CBLB: variants seen among roughly 807,000 people sequenced by gnomAD.
The protein encoded by CBLB is E3 ubiquitin-protein ligase CBL-B.
Under a neutral mutation model 104.9 loss-of-function variants are expected in CBLB, and 31 were observed. The observed-to-expected ratio is 0.30, with a 90% CI of 0.22 to 0.40. CBLB has a LOEUF of 0.40. Among genes scored for constraint, CBLB ranks in the 10% least tolerant of loss-of-function variants. The pLI, the probability that CBLB is intolerant of heterozygous loss-of-function variation, is 1.00. For missense variants in CBLB, 1,062 were observed against 1,214.6 expected (o/e 0.87, Z 1.87); for synonymous variants, 440 against 422.6 (o/e 1.04, Z -0.51).
intron 2 of CBLB, among the ~76,000 whole-genome samples, 196 bp downstream of exon 2, chr3:105,867,214 G>C (rs1466133057): frequency 5.3e-5 from 8 of 152,164 alleles, no homozygotes; most frequent in African/African-American, 1.9e-4. Context: ...GAGTAGAAAG[G>C]ATGAAAGGTT....
intron 9 of CBLB, among the ~76,000 whole-genome samples, chr3:105,721,699 T>C (rs1006242602): frequency 2.6e-5 from 4 of 152,154 alleles, no homozygotes; most frequent in Non-Finnish European, 5.9e-5. Context: ...CATTAAATAT[T>C]ATTTGCTCCA....
At chr3:105,692,018 T>C (rs1295943885) in intron 13 of CBLB, among the ~76,000 whole-genome samples, 1 of 152,218 alleles carries the variant, frequency 6.6e-6, no homozygotes, top group Admixed American at 6.5e-5. Flanking sequence ...TGATTTCATA[T>C]ACATTAATGT....
At chr3:105,699,198 G>A (rs1385601264) in intron 12 of CBLB, among the ~76,000 whole-genome samples, 3 of 152,000 alleles carry the variant, frequency 2.0e-5, no homozygotes, top group African/African-American at 4.8e-5. Flanking sequence ...TAGGAACTAC[G>A]TTAAATAAAA....
intron 17 of CBLB, 116 bp downstream of exon 17, chr3:105,678,313 ATT>A (rs2065893174): frequency 4.0e-6 from 4 of 995,868 alleles, no homozygotes; most frequent in Middle Eastern, 3.0e-4. Flanking sequence ...CCACCCAGGG[ATT>A]TTTCTGTTCT....
At chr3:105,803,797 G>T (rs186736508) in intron 3 of CBLB, among the ~76,000 whole-genome samples, 62 of 152,240 alleles carry the variant, frequency 4.1e-4, no homozygotes, top group African/African-American at 1.4e-3. Flanking sequence ...ACTTGAAGGG[G>T]TCACTTATCT....
At chr3:105,799,203 T>C (rs1577299589) in intron 3 of CBLB, among the ~76,000 whole-genome samples, 1 of 143,830 alleles carries the variant, frequency 7.0e-6, no homozygotes, top group African/African-American at 2.5e-5. Flanking sequence ...AAGAAATCCC[T>C]GCAGTTAAGA....
intron 3 of CBLB, among the ~76,000 whole-genome samples, chr3:105,823,215 C>T (rs1200526307): frequency 2.6e-5 from 4 of 152,172 alleles, no homozygotes; most frequent in African/African-American, 9.7e-5. Flanking sequence ...TTGAACTTCA[C>T]TGAAACAGCT....
intron 10 of CBLB, among the ~76,000 whole-genome samples, chr3:105,705,608 G>C (rs973718759): frequency 6.6e-6 from 1 of 152,154 alleles, no homozygotes; most frequent in Non-Finnish European, 1.5e-5. Context: ...GTAGGACCAC[G>C]GAAGTAAAGT....
intron 10 of CBLB, among the ~76,000 whole-genome samples, chr3:105,714,047 T>A (rs2071490893): frequency 1.3e-5 from 2 of 152,222 alleles, no homozygotes; most frequent in African/African-American, 4.8e-5. Flanking sequence ...TATTTTTATT[T>A]TTGTATTTCA....
intron 10 of CBLB, among the ~76,000 whole-genome samples, chr3:105,713,178 G>A (rs1350920322): frequency 6.6e-6 from 1 of 151,936 alleles, no homozygotes. Context: ...CTGTTCTAAT[G>A]GCTTTTTATA....
At chr3:105,733,468 A>G (rs1001750727) in intron 9 of CBLB, among the ~76,000 whole-genome samples, 15 of 152,198 alleles carry the variant, frequency 9.9e-5, no homozygotes, top group African/African-American at 2.7e-4. Context: ...ATGGGAAGGC[A>G]ATTTGCCTGA....
At chr3:105,704,254 G>C in intron 10 of CBLB, 81 bp from the exon 11 acceptor site, 7 of 1,341,298 alleles carry the variant, frequency 5.2e-6, no homozygotes, top group Non-Finnish European at 7.5e-6. Context: ...TATTTGGTTG[G>C]AAGAAGGTTT....
intron 9 of CBLB, among the ~76,000 whole-genome samples, chr3:105,720,543 T>C (rs2072656096): frequency 6.6e-6 from 1 of 152,214 alleles, no homozygotes; most frequent in Admixed American, 6.5e-5. Context: ...ATTATTCTAA[T>C]GTATCAAGGC....
intron 3 of CBLB, among the ~76,000 whole-genome samples, chr3:105,817,122 C>T (rs532216565): frequency 3.9e-5 from 6 of 152,160 alleles, no homozygotes; most frequent in African/African-American, 1.4e-4. Context: ...AGAAATAAGA[C>T]GGCATATGTA....
Position 105,868,516 on chromosome 3 carries a change from C to G in CBLB, c.-15+220G>C, listed in dbSNP as rs1415056992. The stretch of plus-strand genomic sequence containing the variant: ...CTGGGTGGACGCGCCTCCCGGCCGC[C>G]TGCTGCAGTCCTCACCGCCGTCTGC... On this transcript the variant is annotated intron_variant, in intron 1 of 18. Coordinates refer to ENST00000394030, the MANE Select transcript of CBLB (RefSeq NM_170662.5). 3 of 328,474 alleles carry G rather than the reference C, an allele frequency of 9.1e-6. No homozygotes were observed. The Admixed American group carries it at 1.5e-4, about 17-fold the overall frequency. 20.3% of individuals were successfully genotyped at this position (328,474 alleles called of 1,614,324 possible).
chr3:105,710,192 A>G (rs2070858048), intron 10 of CBLB, among the ~76,000 whole-genome samples: 1 of 151,894 alleles, frequency 6.6e-6, no homozygotes, highest in African/African-American at 2.4e-5. Context: ...TTTTCATGGT[A>G]GAGATTTCGC....
chr3:105,805,692 C>T (rs1262101983), intron 3 of CBLB, among the ~76,000 whole-genome samples: 1 of 152,178 alleles, frequency 6.6e-6, no homozygotes, highest in Non-Finnish European at 1.5e-5. Context: ...CGGCTTCAGG[C>T]TGCAAGAGCC....
At chr3:105,665,408 A>ATATATATATAT (rs1553700056) in intron 18 of CBLB, among the ~76,000 whole-genome samples, 53 of 51,472 alleles carry the variant, frequency 1.0e-3, no homozygotes, top group South Asian at 2.6e-3. Flanking sequence ...TAAATAAATA[A>ATATATATATAT]ATAAATAAAT....
rs1248959218 is a variant in CBLB at position 105,693,563 on chromosome 3, C to A, written c.1985G>T (p.Ser662Ile). 1.9e-6 allele frequency: 3 copies of A among 1,612,374 alleles called. No homozygotes were observed. The highest frequency in any genetic ancestry group is 2.5e-6 in the Non-Finnish European group (3 of 1,178,672). ...AKVFSNGHLG[S>I]EEYDVPPRLS... ...CCGGGGAGGAACATCATATTCTTCA[C>A]TTCCAAGGTGACCATTGGAAAAGAC... is the stretch of plus-strand genomic sequence containing the variant. Residue 662 changes from serine (S) to isoleucine (I), a missense_variant, in exon 13 of 19, where the codon AGT (serine) becomes ATT (isoleucine). By Grantham distance (142) the Ser-to-Ile change is moderately radical (BLOSUM62 -2). Around this residue, in one of 2 missense-constraint regions of CBLB, gnomAD observed 605 missense variants for 582.6 expected, o/e 1.04. Transcript: ENST00000394030.
Sources: gnomAD v4.1 joint callset for allele counts (sites outside exome capture counted in the v4.1 genomes callset) on GRCh38, gnomAD v4.1.1 for gene constraint, gnomAD v4.1.1 regional missense constraint, MANE v1.5 for transcripts, NCBI Gene and HGNC (gene_info 2026-07-23, HGNC 2026-07-21) for gene names.